FAM227B: variants seen among roughly 807,000 people sequenced by gnomAD.
The protein encoded by FAM227B is family with sequence similarity 227 member B, also known as protein FAM227B.
In FAM227B, 88 loss-of-function variants were observed where a neutral mutation model predicts 73.8. The ratio of observed to expected loss-of-function variants is 1.19; its 90% confidence interval spans 1.00 to 1.42. FAM227B has a LOEUF of 1.42. Among genes scored for constraint, FAM227B ranks in the 40% most tolerant of loss-of-function variants. The pLI is 0.00. For synonymous variants in FAM227B, 210 were observed against 190.5 expected, an observed-to-expected ratio of 1.10 and a Z score of -0.84; for missense variants, 632 against 590.9, an observed-to-expected ratio of 1.07 and a Z score of -0.72.
chr15:49,355,299 G>A (rs918134105), intron 13 of FAM227B, among the ~76,000 whole-genome samples: 10 of 152,140 alleles, frequency 6.6e-5, no homozygotes, highest in Admixed American at 2.6e-4. Context: ...TCTGAGCTAC[G>A]GGAGGACATT....
Position 49,412,230 on chromosome 15 carries a change from C to T in FAM227B, c.1013-40831G>A, listed in dbSNP as rs992051036. 2.6e-5 allele frequency among the ~76,000 whole-genome samples: 4 copies of T among 152,000 alleles called. No homozygotes were observed. In the South Asian group the frequency reaches 8.3e-4, roughly 31 times the overall value. On this transcript the variant is annotated intron_variant, in intron 11 of 15. Coordinates refer to ENST00000299338, the MANE Select transcript of FAM227B (RefSeq NM_152647.3). ...TCTTATTTTGTTGTTCTTCTGGGCACTATAAAATGATTAATATAATTTTTG... is the reference window on the plus strand; with the variant it reads ...TCTTATTTTGTTGTTCTTCTGGGCATTATAAAATGATTAATATAATTTTTG...
chr15:49,422,531 T>C (rs2049775161), intron 11 of FAM227B: 4 of 1,309,072 alleles, frequency 3.1e-6, no homozygotes, highest in South Asian at 2.5e-5. Context: ...CCCTGTTCCT[T>C]ATATTAGTAG....
intron 11 of FAM227B, among the ~76,000 whole-genome samples, chr15:49,394,117 G>C (rs1341945358): frequency 6.6e-6 from 1 of 152,162 alleles, no homozygotes; most frequent in Non-Finnish European, 1.5e-5. Context: ...CAAGGGGATA[G>C]AGAACACAGA....
chr15:49,603,683 G>A (rs1410237127), intron 3 of FAM227B, among the ~76,000 whole-genome samples: 2 of 152,164 alleles, frequency 1.3e-5, no homozygotes, highest in African/African-American at 4.8e-5. Flanking sequence ...AATAATAGCA[G>A]TGAAAGTTAG....
intron 11 of FAM227B, among the ~76,000 whole-genome samples, chr15:49,387,949 G>A (rs974303575): frequency 7.3e-5 from 11 of 151,686 alleles, no homozygotes; most frequent in African/African-American, 2.7e-4. Context: ...TCTACAAGGA[G>A]GACTACAAGA....
chr15:49,577,297 C>T (rs1237451993), intron 6 of FAM227B: 2 of 331,514 alleles, frequency 6.0e-6, no homozygotes, highest in South Asian at 2.7e-5. Flanking sequence ...GCCCCATTCC[C>T]CACACCCCCT....
At chr15:49,355,231 C>A (rs977472738) in intron 13 of FAM227B, among the ~76,000 whole-genome samples, 1 of 152,226 alleles carries the variant, frequency 6.6e-6, no homozygotes, top group Non-Finnish European at 1.5e-5. Context: ...AGGAACAAAG[C>A]TGGATGGAGA....
Position 49,328,394 on chromosome 15 carries a change from T to G in FAM227B, c.*174A>C. Reference sequence around the variant, plus strand: ...GCCAAGATCATGCTTGGACAGATCTTTTAAGAATAACTTACTGAGATTTAT... The same window carrying G: ...GCCAAGATCATGCTTGGACAGATCTGTTAAGAATAACTTACTGAGATTTAT... On this transcript the variant is annotated 3_prime_UTR_variant, in exon 16 of 16. Transcript: ENST00000299338. The G allele has an allele frequency of 7.0e-7, 1 of 1,429,904 alleles. No individual in the cohort carries two copies. Among genetic ancestry groups the G allele is most frequent in the South Asian group, 1.6e-5 (1 of 62,894 alleles). 88.6% of individuals were successfully genotyped at this position (1,429,904 alleles called of 1,614,324 possible).
At chr15:49,420,908 G>C (rs1326101020) in intron 11 of FAM227B, among the ~76,000 whole-genome samples, 1 of 152,036 alleles carries the variant, frequency 6.6e-6, no homozygotes, top group East Asian at 1.9e-4. Context: ...GGGTTTCACT[G>C]TGTTAGCCAG....
At chr15:49,489,879 T>TAGAGAGAGAGAGAG (rs1243927630) in intron 11 of FAM227B, among the ~76,000 whole-genome samples, 1 of 18,448 alleles carries the variant, frequency 5.4e-5, no homozygotes, top group African/African-American at 1.3e-4. Context: ...TATATATATA[T>TAGAGAGAGAGAGAG]ATATAGAGAG....
intron 11 of FAM227B, among the ~76,000 whole-genome samples, chr15:49,502,318 GAGCAGCTGT>G (rs1316450899): frequency 6.6e-6 from 1 of 152,230 alleles, no homozygotes; most frequent in African/African-American, 2.4e-5. Flanking sequence ...TAACCTGTGA[GAGCAGCTGT>G]GGAGGCAGAA....
intron 13 of FAM227B, among the ~76,000 whole-genome samples, chr15:49,341,247 G>C (rs1214858975): frequency 6.6e-6 from 1 of 151,938 alleles, no homozygotes; most frequent in East Asian, 1.9e-4. Flanking sequence ...TGGCTATTTG[G>C]GCTGTTTTGG....
At chr15:49,364,876 C>G (rs1397805516) in intron 13 of FAM227B, among the ~76,000 whole-genome samples, 1 of 151,512 alleles carries the variant, frequency 6.6e-6, no homozygotes, top group Non-Finnish European at 1.5e-5. Context: ...GAAAAATATA[C>G]TCTATGTAAT....
At chr15:49,449,130 G>A (rs2052493127) in intron 11 of FAM227B, among the ~76,000 whole-genome samples, 1 of 151,940 alleles carries the variant, frequency 6.6e-6, no homozygotes, top group African/African-American at 2.4e-5. Flanking sequence ...GATACCTTCA[G>A]TCTGTAGAGA....
intron 13 of FAM227B, among the ~76,000 whole-genome samples, chr15:49,351,865 G>C (rs1370932547): frequency 6.6e-6 from 1 of 152,178 alleles, no homozygotes; most frequent in Non-Finnish European, 1.5e-5. Context: ...GGCTAGCTTG[G>C]GAAGGGAATA....
intron 10 of FAM227B, among the ~76,000 whole-genome samples, chr15:49,537,352 G>T (rs1003851542): frequency 6.6e-6 from 1 of 151,934 alleles, no homozygotes; most frequent in African/African-American, 2.4e-5. Flanking sequence ...TTAGGGAAAT[G>T]CAAATTAAAA....
chr15:49,381,603 A>C (rs116544493), intron 11 of FAM227B, among the ~76,000 whole-genome samples: 370 of 152,278 alleles, frequency 2.4e-3, no homozygotes, highest in African/African-American at 8.4e-3. Context: ...TGTATTTGCC[A>C]GTAGCTGAAA....
chr15:49,518,219 A>T (rs1481065138), intron 10 of FAM227B, among the ~76,000 whole-genome samples: 1 of 152,192 alleles, frequency 6.6e-6, no homozygotes, highest in Non-Finnish European at 1.5e-5. Flanking sequence ...CAGTTGTCCA[A>T]AATTATTGTA....
At chr15:49,353,173 T>A (rs772412078) in intron 13 of FAM227B, among the ~76,000 whole-genome samples, 2 of 152,184 alleles carry the variant, frequency 1.3e-5, no homozygotes, top group Non-Finnish European at 2.9e-5. Context: ...AACAAAATCA[T>A]AGGGACTTGA....
Sources: allele counts gnomAD v4.1 joint callset (sites outside exome capture counted in the v4.1 genomes callset), GRCh38; gene constraint gnomAD v4.1.1; transcripts MANE v1.5; gene names NCBI Gene and HGNC (gene_info 2026-07-23, HGNC 2026-07-21).